CSMD1: variants seen among roughly 807,000 people sequenced by gnomAD.
CSMD1 encodes the protein CUB and Sushi multiple domains 1.
In CSMD1, 213 loss-of-function variants were observed where a neutral mutation model predicts 417.5. The observed-to-expected ratio is 0.51, with a 90% CI of 0.46 to 0.57. The LOEUF (loss-of-function observed/expected upper bound fraction) is 0.57, where lower values mean the gene tolerates loss of function less well. Among genes scored for constraint, CSMD1 ranks in the 20% least tolerant of loss-of-function variants. The pLI, the probability that CSMD1 is intolerant of heterozygous loss-of-function variation, is 0.00. For missense variants in CSMD1, 6,923 were observed against 4,529.7 expected (o/e 1.53, Z -15.17); for synonymous variants, 2,862 against 1,736.8 (o/e 1.65, Z -16.11).
intron 12 of CSMD1, among the ~76,000 whole-genome samples, chr8:3,467,889 T>C (rs912555249): frequency 6.6e-5 from 10 of 152,212 alleles, no homozygotes; most frequent in African/African-American, 2.4e-4. Context: ...ACTTGGGAAA[T>C]AAGAACATAC....
intron 5 of CSMD1, among the ~76,000 whole-genome samples, chr8:3,889,170 G>C (rs1806774042): frequency 6.6e-6 from 1 of 151,788 alleles, no homozygotes. Flanking sequence ...AAAATGAAGT[G>C]TGACGATGCA....
chr8:3,980,816 T>G (rs1813804117), intron 5 of CSMD1, among the ~76,000 whole-genome samples: 1 of 152,178 alleles, frequency 6.6e-6, no homozygotes, highest in Non-Finnish European at 1.5e-5. Context: ...GGCCAACCAC[T>G]AATGTCCCCA....
chr8:4,443,573 GAAT>G (rs1798608964), intron 2 of CSMD1, among the ~76,000 whole-genome samples: 1 of 151,974 alleles, frequency 6.6e-6, no homozygotes, highest in Non-Finnish European at 1.5e-5. Flanking sequence ...CAAGACACAT[GAAT>G]AATATGCATT....
At chr8:4,668,319 CA>C (rs1245225856) in intron 1 of CSMD1, among the ~76,000 whole-genome samples, 1 of 151,792 alleles carries the variant, frequency 6.6e-6, no homozygotes, top group Non-Finnish European at 1.5e-5. Flanking sequence ...CTTGGATGAT[CA>C]CAGCACTGTC....
At chr8:4,119,022 A>T (rs548402197) in intron 3 of CSMD1, among the ~76,000 whole-genome samples, 4 of 152,300 alleles carry the variant, frequency 2.6e-5, no homozygotes, top group South Asian at 2.1e-4. Context: ...GTTCTCACTC[A>T]TAAGTGGGAG....
chr8:4,206,454 T>G (rs78497489), intron 3 of CSMD1, among the ~76,000 whole-genome samples: 1 of 152,168 alleles, frequency 6.6e-6, no homozygotes. Context: ...TCTGTCCTTG[T>G]GATAGTTTGC....
chr8:3,656,102 G>T (rs994906017), intron 7 of CSMD1, among the ~76,000 whole-genome samples: 1 of 152,148 alleles, frequency 6.6e-6, no homozygotes, highest in African/African-American at 2.4e-5. Context: ...GATGCTACCA[G>T]AAGATCATGG....
intron 10 of CSMD1, among the ~76,000 whole-genome samples, chr8:3,546,078 T>C (rs1798647282): frequency 1.3e-5 from 2 of 152,216 alleles, no homozygotes; most frequent in South Asian, 4.1e-4. Context: ...CAGCCCTTGC[T>C]AACAAATGTA....
intron 26 of CSMD1, among the ~76,000 whole-genome samples, chr8:3,265,074 A>G (rs1258506861): frequency 1.3e-5 from 2 of 152,216 alleles, no homozygotes; most frequent in Non-Finnish European, 2.9e-5. Context: ...ATTCAACACA[A>G]ATCTGTTGAA....
chr8:3,712,447 A>C lies in CSMD1; in HGVS notation c.932-3956T>G, dbSNP rs1479727869. 1.4e-4 allele frequency among the ~76,000 whole-genome samples: 6 copies of C among 42,090 alleles called. No individual in the cohort carries two copies. In the East Asian group the frequency reaches 2.8e-3, roughly 20 times the overall value. The allele number at this position is 42,090 out of a possible 152,430, so 27.6% of individuals were successfully genotyped here. On this transcript the variant is annotated intron_variant, in intron 6 of 69. Coordinates refer to ENST00000635120, the MANE Select transcript of CSMD1 (RefSeq NM_033225.6). ...CAGACAGACAGACAGACAGACAGAGAGAGAGAGAAACTAGAGCTGCAGGAA... is the reference window on the plus strand; with the variant it reads ...CAGACAGACAGACAGACAGACAGAGCGAGAGAGAAACTAGAGCTGCAGGAA...
chr8:3,606,914 G>C (rs1006074299), intron 8 of CSMD1, among the ~76,000 whole-genome samples: 1 of 151,952 alleles, frequency 6.6e-6, no homozygotes, highest in East Asian at 1.9e-4. Context: ...GTTTCACCAT[G>C]TTGGCCAGGA....
At chr8:3,519,416 T>C (rs1797410279) in intron 10 of CSMD1, among the ~76,000 whole-genome samples, 2 of 152,318 alleles carry the variant, frequency 1.3e-5, no homozygotes, top group African/African-American at 4.8e-5. Context: ...GGTAATTGCA[T>C]GCTGGTTCAT....
chr8:4,809,572 T>C (rs1371698266), intron 1 of CSMD1, among the ~76,000 whole-genome samples: 1 of 152,196 alleles, frequency 6.6e-6, no homozygotes, highest in African/African-American at 2.4e-5. Context: ...CCATGAGCTC[T>C]ACTCCCTACA....
chr8:3,948,142 T>G (rs1199415935), intron 5 of CSMD1, among the ~76,000 whole-genome samples: 3 of 151,732 alleles, frequency 2.0e-5, no homozygotes, highest in Non-Finnish European at 4.4e-5. Flanking sequence ...GAGGCTTAGG[T>G]TGCAGTCAGC....
rs73496604 is a variant in CSMD1 at position 4,481,008 on chromosome 8, A to C, written c.303-60943T>G. Among the ~76,000 whole-genome samples the C allele has an allele frequency of 5.4e-3, 828 of 152,306 alleles. 3 individuals are homozygous for C. Among genetic ancestry groups the C allele is most frequent in the African/African-American group, 0.019 (779 of 41,560 alleles). Reference sequence around the variant, plus strand: ...GTGATTTTTGAAACCTTCACAATAAAACAGCTATTTGTTTCTATTTCTCTC... The same window carrying C: ...GTGATTTTTGAAACCTTCACAATAACACAGCTATTTGTTTCTATTTCTCTC... On this transcript the variant is annotated intron_variant, in intron 2 of 69. Coordinates refer to ENST00000635120, the MANE Select transcript of CSMD1 (RefSeq NM_033225.6).
chr8:3,838,524 CTA>C (rs200644430), intron 5 of CSMD1, among the ~76,000 whole-genome samples: 2 of 128,066 alleles, frequency 1.6e-5, no homozygotes, highest in South Asian at 5.0e-4. Flanking sequence ...ATAATATAGC[CTA>C]TATATATAGT....
At chr8:4,588,297 A>G (rs997818141) in intron 2 of CSMD1, among the ~76,000 whole-genome samples, 3 of 151,504 alleles carry the variant, frequency 2.0e-5, no homozygotes, top group African/African-American at 7.3e-5. Flanking sequence ...CTAGCCAAAA[A>G]GAAAAAGGAA....
intron 5 of CSMD1, among the ~76,000 whole-genome samples, chr8:3,904,215 T>C (rs10107710): frequency 0.54 from 81,944 of 152,100 alleles, 25,770 homozygotes; most frequent in Middle Eastern, 0.7. Flanking sequence ...AAGTAACTTA[T>C]GGATATCAGG....
chr8:4,821,623 T>C lies in CSMD1; in HGVS notation c.85+172709A>G, dbSNP rs531941308. Among the ~76,000 whole-genome samples, 131 of 152,132 alleles carry C rather than the reference T, an allele frequency of 8.6e-4. 1 individual carries two copies. The South Asian group carries it at 0.025, about 29-fold the overall frequency. On this transcript the variant is annotated intron_variant, in intron 1 of 69. Coordinates refer to ENST00000635120, the MANE Select transcript of CSMD1 (RefSeq NM_033225.6). Reference sequence around the variant, plus strand: ...ATGCAGCCCTTCATATTCAGAAAAATAGGGAAGTTTACTTCACCTAATGGG... The same window carrying C: ...ATGCAGCCCTTCATATTCAGAAAAACAGGGAAGTTTACTTCACCTAATGGG...
Sources: allele counts gnomAD v4.1 joint callset (sites outside exome capture counted in the v4.1 genomes callset), GRCh38; gene constraint gnomAD v4.1.1; transcripts MANE v1.5; gene names NCBI Gene and HGNC (gene_info 2026-07-23, HGNC 2026-07-21).